Variants in PRKCH observed in about 807,000 individuals in gnomAD.
PRKCH encodes the protein protein kinase C eta, also known as protein kinase C eta type.
In PRKCH, 28 loss-of-function variants were observed where a neutral mutation model predicts 82.5. The ratio of observed to expected loss-of-function variants is 0.34; its 90% CI spans 0.25 to 0.47. The LOEUF (loss-of-function observed/expected upper bound fraction) is 0.47, where lower values mean the gene tolerates loss of function less well. Ranked by LOEUF, PRKCH falls within the 20% of genes least tolerant of loss-of-function variation. The probability of loss-of-function intolerance (pLI) is 1.00; values close to 1 mark genes in which losing one functional copy is unlikely to be tolerated. For missense variants in PRKCH, 705 were observed against 881.8 expected (o/e 0.80, Z 2.54); for synonymous variants, 322 against 327.4 (o/e 0.98, Z 0.18).
At chr14:61,466,359 CCTT>C (rs1885255518) in intron 9 of PRKCH, among the ~76,000 whole-genome samples, 4 of 152,178 alleles carry the variant, frequency 2.6e-5, no homozygotes. Flanking sequence ...ACATCACACT[CCTT>C]TTATCTGAAT....
At chr14:61,449,888 CTCTCTCTCTCTCTGTG>C (rs765561267) in intron 5 of PRKCH, among the ~76,000 whole-genome samples, 12 of 61,106 alleles carry the variant, frequency 2.0e-4, no homozygotes, top group East Asian at 1.1e-3. Flanking sequence ...CTCTCTCTCT[CTCTCTCTCTCTCTGTG>C]TGTGTGTGTG....
Position 61,335,917 on chromosome 14 carries a change from T to C in PRKCH, c.363+13453T>C, listed in dbSNP as rs565179551. Among the ~76,000 whole-genome samples, 49 of 152,376 alleles carry C rather than the reference T, an allele frequency of 3.2e-4. No homozygotes were observed. The South Asian group carries it at 9.9e-3, about 31-fold the overall frequency. On this transcript the variant is annotated intron_variant, in intron 1 of 13. Transcript: ENST00000332981. ...TAATTATCAGTGCATCATAGTGTGA[T>C]GGTTGGGTGTCAGCCAGATTGGGGT...
upstream of PRKCH, among the ~76,000 whole-genome samples, chr14:61,321,008 C>T (rs1273534194): frequency 6.6e-6 from 1 of 152,196 alleles, no homozygotes; most frequent in Non-Finnish European, 1.5e-5. The surrounding 1 kb of genome is among the most constrained non-coding windows in gnomAD (Gnocchi z 4.1). Flanking sequence ...AGGAAGGAGG[C>T]GAACAGGATT....
chr14:61,281,052 G>A (rs1246970480), intron 1 of PRKCH: 16 of 1,524,398 alleles, frequency 1.0e-5, no homozygotes, highest in Non-Finnish European at 1.4e-5. Context: ...GCGCGATGCT[G>A]GCCGACAGCA....
At chr14:61,277,832 T>C (rs576016680) in intron 1 of PRKCH, 1 of 152,344 alleles carries the variant, frequency 6.6e-6, no homozygotes, top group South Asian at 2.1e-4. Flanking sequence ...AAGTTAACAA[T>C]GAATTGAGTT....
At chr14:61,262,136 G>T (rs972942431) in intron 1 of PRKCH, among the ~76,000 whole-genome samples, 2 of 150,580 alleles carry the variant, frequency 1.3e-5, no homozygotes, top group Non-Finnish European at 2.9e-5. Flanking sequence ...CAGGAGAATT[G>T]CTTGAACCTG....
At chr14:61,279,692 G>A (rs370502468) in intron 1 of PRKCH, 75 of 187,868 alleles carry the variant, frequency 4.0e-4, no homozygotes, top group Middle Eastern at 2.4e-3. Flanking sequence ...CGAAAGCCCT[G>A]GACTCAAGAT....
chr14:61,449,065 C>A, intron 4 of PRKCH, 99 bp from the exon 5 acceptor site: 2 of 1,095,446 alleles, frequency 1.8e-6, no homozygotes, highest in South Asian at 1.4e-5. Flanking sequence ...CCAGACGAGT[C>A]CAGTCTTGTT....
intron 9 of PRKCH, among the ~76,000 whole-genome samples, chr14:61,459,899 G>A (rs1884952243): frequency 1.3e-5 from 2 of 152,292 alleles, no homozygotes; most frequent in East Asian, 3.9e-4. Context: ...AGGCTGGAGT[G>A]CAGTGACGGT....
chr14:61,250,002 G>A (rs1363608715), intron 1 of PRKCH, among the ~76,000 whole-genome samples: 1 of 150,442 alleles, frequency 6.6e-6, no homozygotes, highest in Non-Finnish European at 1.5e-5. Context: ...GCTCATGCCT[G>A]TAATCCCAGC....
chr14:61,523,818 A>G lies in PRKCH; in HGVS notation c.1434-5257A>G, dbSNP rs547728970. 1.1e-3 allele frequency among the ~76,000 whole-genome samples: 165 copies of G among 152,366 alleles called. 2 individuals are homozygous for G. Among genetic ancestry groups the G allele is most frequent in the Non-Finnish European group, 1.8e-3 (122 of 68,042 alleles). ...CTCTATTAAAGAATTATTATCTTTG[A>G]GATTCAGATATTAAAATGTGTATAG... On this transcript the variant is annotated intron_variant, in intron 10 of 13. Coordinates refer to ENST00000332981, the MANE Select transcript of PRKCH (RefSeq NM_006255.5).
intron 8 of PRKCH, 52 bp from the exon 9 acceptor site, chr14:61,457,454 C>T: frequency 6.2e-7 from 1 of 1,601,392 alleles, no homozygotes; most frequent in Non-Finnish European, 8.5e-7. Context: ...TGCACACACC[C>T]TAAGACCCCC....
chr14:61,274,266 A>T (rs192522283), intron 1 of PRKCH, among the ~76,000 whole-genome samples: 1 of 152,364 alleles, frequency 6.6e-6, no homozygotes, highest in Admixed American at 6.5e-5. Context: ...AAATCATTCA[A>T]TATGGCTGGA....
At chr14:61,509,004 G>A (rs1313906041) in intron 10 of PRKCH, among the ~76,000 whole-genome samples, 1 of 152,040 alleles carries the variant, frequency 6.6e-6, no homozygotes, top group Non-Finnish European at 1.5e-5. Context: ...CAAGGTGACT[G>A]TTATTCTGAT....
chr14:61,268,246 A>G (rs930152122), intron 1 of PRKCH, among the ~76,000 whole-genome samples: 9 of 152,232 alleles, frequency 5.9e-5, no homozygotes, highest in African/African-American at 2.2e-4. Flanking sequence ...ACTTTGATAT[A>G]CATCCTGATT....
At chr14:61,295,591 T>G (rs928373556) in intron 1 of PRKCH, among the ~76,000 whole-genome samples, 6 of 152,242 alleles carry the variant, frequency 3.9e-5, no homozygotes, top group African/African-American at 1.4e-4. Flanking sequence ...AATGGGGTAA[T>G]GCCGAATCCA....
chr14:61,257,917 C>G (rs1257792513), intron 1 of PRKCH, among the ~76,000 whole-genome samples: 1 of 152,088 alleles, frequency 6.6e-6, no homozygotes, highest in African/African-American at 2.4e-5. Flanking sequence ...AAGAAAGCAT[C>G]TGATTTCAAA....
chr14:61,449,365 C>A, intron 5 of PRKCH, 113 bp downstream of exon 5: 1 of 866,078 alleles, frequency 1.2e-6, no homozygotes, highest in Non-Finnish European at 1.8e-6. Flanking sequence ...TTCTCCCCGT[C>A]CCCAAACCTC....
chr14:61,240,418 G>T (rs1301752347), intron 1 of PRKCH, among the ~76,000 whole-genome samples: 2 of 152,016 alleles, frequency 1.3e-5, no homozygotes, highest in Admixed American at 6.6e-5. Flanking sequence ...CTTTTAATAC[G>T]CAAATGCGAG....
Sources: gnomAD v4.1 joint callset for allele counts (sites outside exome capture counted in the v4.1 genomes callset) on GRCh38, gnomAD v4.1.1 for gene constraint, Gnocchi (gnomAD v3.1) non-coding constraint, MANE v1.5 for transcripts, NCBI Gene and HGNC (gene_info 2026-07-23, HGNC 2026-07-21) for gene names.